BRINP2: variants seen among roughly 807,000 people sequenced by gnomAD.
The protein encoded by BRINP2 is BMP/retinoic acid-inducible neural-specific protein 2.
In BRINP2, 21 loss-of-function variants were observed where a neutral mutation model predicts 69.2. The ratio of observed to expected loss-of-function variants is 0.30; its 90% CI spans 0.22 to 0.44. BRINP2 has a LOEUF of 0.44. BRINP2 is among the 20% of genes least tolerant of loss of function. The pLI, the probability that BRINP2 is intolerant of heterozygous loss-of-function variation, is 1.00. For missense variants in BRINP2, 877 were observed against 986.0 expected, an observed-to-expected ratio of 0.89 and a Z score of 1.48; for synonymous variants, 380 against 394.1, an observed-to-expected ratio of 0.96 and a Z score of 0.42.
intron 1 of BRINP2, among the ~76,000 whole-genome samples, chr1:177,212,684 C>T (rs373510365): frequency 5.9e-5 from 9 of 152,260 alleles, no homozygotes; most frequent in African/African-American, 1.9e-4. Flanking sequence ...AAGGTATTTA[C>T]ATCACAGAAG....
rs1459126507 is a variant in BRINP2 at position 177,257,217 on chromosome 1, G to A, written c.502G>A (p.Gly168Arg). 1.2e-6 allele frequency: 2 copies of A among 1,613,954 alleles called. No homozygotes were observed. The highest frequency in any genetic ancestry group is 1.7e-6 in the Non-Finnish European group (2 of 1,180,024). ...LTIFVDKQKL[G>R]RKTETTGGAS... Reference sequence around the variant, plus strand: ...CATTTTTGTGGACAAGCAGAAACTGGGAAGAAAGACAGAGACAACAGGAGG... The same window carrying A: ...CATTTTTGTGGACAAGCAGAAACTGAGAAGAAAGACAGAGACAACAGGAGG... The change falls in exon 4 of 8, where the codon GGA becomes AGA. Residue 168 changes from glycine (G) to arginine (R), a missense_variant. This residue lies in a region of BRINP2 where 566 missense variants were observed against 625.2 expected (regional missense o/e 0.91). Transcript: ENST00000361539.
At chr1:177,202,574 T>A (rs1648947228) in intron 1 of BRINP2, among the ~76,000 whole-genome samples, 1 of 152,220 alleles carries the variant, frequency 6.6e-6, no homozygotes, top group African/African-American at 2.4e-5. Flanking sequence ...AGACAGTTTG[T>A]TATAATTTCT....
chr1:177,235,891 A>G (rs893741937), intron 2 of BRINP2, among the ~76,000 whole-genome samples: 1 of 152,172 alleles, frequency 6.6e-6, no homozygotes, highest in Non-Finnish European at 1.5e-5. Flanking sequence ...CTTCCGCATA[A>G]ACCACCAGGC....
At chr1:177,239,614 T>C (rs1353676443) in intron 2 of BRINP2, among the ~76,000 whole-genome samples, 1 of 152,226 alleles carries the variant, frequency 6.6e-6, no homozygotes, top group Non-Finnish European at 1.5e-5. Flanking sequence ...AAACCTTTGG[T>C]GTTGCATGCA....
chr1:177,230,290 G>T, intron 2 of BRINP2, 145 bp downstream of exon 2: 2 of 863,162 alleles, frequency 2.3e-6, no homozygotes, highest in East Asian at 2.9e-5. Context: ...CACCAGGCAG[G>T]GAAAATAAGC....
intron 1 of BRINP2, among the ~76,000 whole-genome samples, chr1:177,184,590 G>A (rs1648371576): frequency 6.6e-6 from 1 of 151,468 alleles, no homozygotes; most frequent in East Asian, 1.9e-4. Flanking sequence ...CAAGTAGTAT[G>A]TCTACTTCCC....
chr1:177,281,115 C>A lies in BRINP2; in HGVS notation c.1939C>A (p.Arg647=), dbSNP rs746349332. 2 of 1,614,180 alleles carry A rather than the reference C, an allele frequency of 1.2e-6. No individual in the cohort carries two copies. The highest frequency in any genetic ancestry group is 2.2e-5 in the East Asian group (1 of 44,886). The change falls in exon 8 of 8, where the codon CGG becomes AGG. Residue 647 remains arginine, a synonymous_variant. Coordinates refer to ENST00000361539, the MANE Select transcript of BRINP2 (RefSeq NM_021165.4). The part of the protein sequence containing the change: ...TFFETVHVYL[R]SRIKSLDDSS... Reference sequence around the variant, plus strand: ...CTTTGAGACAGTTCATGTTTACCTACGGAGCCGAATCAAGTCCCTGGATGA... The same window carrying A: ...CTTTGAGACAGTTCATGTTTACCTAAGGAGCCGAATCAAGTCCCTGGATGA...
At chr1:177,254,355 C>T (rs1292224161) in intron 2 of BRINP2, among the ~76,000 whole-genome samples, 1 of 149,972 alleles carries the variant, frequency 6.7e-6, no homozygotes, top group Non-Finnish European at 1.5e-5. Context: ...TACACACTTG[C>T]ACCTAAACAC....
At position 177,213,091 on chromosome 1, in the gene BRINP2, T is replaced by C. The variant is rs181754962; in HGVS notation, c.-76-16710T>C. On this transcript the variant is annotated intron_variant, in intron 1 of 7. Coordinates refer to ENST00000361539, the MANE Select transcript of BRINP2 (RefSeq NM_021165.4). ...AAGGAAAAGATGTGGAGATGTGTAA[T>C]CTTTGATCATTTGTTCCATGATGTG... Among the ~76,000 whole-genome samples the C allele has an allele frequency of 7.2e-5, 11 of 152,342 alleles. 1 individual carries two copies. In the East Asian group the frequency reaches 2.1e-3, roughly 29 times the overall value.
At chr1:177,196,730 G>A (rs1438028423) in intron 1 of BRINP2, among the ~76,000 whole-genome samples, 1 of 152,122 alleles carries the variant, frequency 6.6e-6, no homozygotes, top group African/African-American at 2.4e-5. Context: ...ATGCCCTTTG[G>A]TTGATTCTGA....
intron 2 of BRINP2, among the ~76,000 whole-genome samples, chr1:177,254,251 T>G (rs80244500): frequency 0.012 from 1,789 of 152,214 alleles, 18 homozygotes; most frequent in Non-Finnish European, 0.017. Flanking sequence ...ATGTTGACAT[T>G]TGCACTGAAG....
chr1:177,262,437 G>A (rs1297348255), intron 4 of BRINP2, among the ~76,000 whole-genome samples: 2 of 151,912 alleles, frequency 1.3e-5, no homozygotes, highest in East Asian at 1.9e-4. Flanking sequence ...ACTTGAACCC[G>A]GGAGACGGAG....
intron 1 of BRINP2, among the ~76,000 whole-genome samples, chr1:177,212,414 G>A (rs566617643): frequency 2.6e-5 from 4 of 151,964 alleles, no homozygotes; most frequent in Admixed American, 6.6e-5. Context: ...CCATGGTGGC[G>A]GGCACCTGTA....
chr1:177,210,341 G>C (rs934558828), intron 1 of BRINP2, among the ~76,000 whole-genome samples: 4 of 152,118 alleles, frequency 2.6e-5, no homozygotes, highest in African/African-American at 7.2e-5. Context: ...GGAAAATCAG[G>C]AGCCAGGCCC....
At chr1:177,244,271 A>T (rs1205739972) in intron 2 of BRINP2, among the ~76,000 whole-genome samples, 2 of 152,236 alleles carry the variant, frequency 1.3e-5, no homozygotes, top group Non-Finnish European at 2.9e-5. Context: ...ATTCAAGTAC[A>T]TTAATAAAGA....
At chr1:177,259,528 A>G (rs1396798028) in intron 4 of BRINP2, among the ~76,000 whole-genome samples, 2 of 152,210 alleles carry the variant, frequency 1.3e-5, no homozygotes, top group African/African-American at 4.8e-5. Flanking sequence ...CTGGAAGAAG[A>G]TGACATTGAG....
intron 2 of BRINP2, among the ~76,000 whole-genome samples, chr1:177,247,207 A>T (rs1237642980): frequency 6.6e-6 from 1 of 152,186 alleles, no homozygotes; most frequent in Non-Finnish European, 1.5e-5. Context: ...GAAAGAGAAG[A>T]CTTCCTGTGT....
intron 1 of BRINP2, among the ~76,000 whole-genome samples, chr1:177,197,858 A>T (rs1034577249): frequency 2.0e-5 from 3 of 152,200 alleles, no homozygotes; most frequent in Non-Finnish European, 4.4e-5. Flanking sequence ...CAAGAATGAA[A>T]GTTAGAGAGA....
intron 2 of BRINP2, among the ~76,000 whole-genome samples, chr1:177,236,704 C>A (rs1253015673): frequency 6.6e-6 from 1 of 152,074 alleles, no homozygotes; most frequent in Non-Finnish European, 1.5e-5. Context: ...CAGGTGGAGG[C>A]TTGTGGAATG....
Sources: gnomAD v4.1 joint callset for allele counts (sites outside exome capture counted in the v4.1 genomes callset) on GRCh38, gnomAD v4.1.1 for gene constraint, gnomAD v4.1.1 regional missense constraint, MANE v1.5 for transcripts, NCBI Gene and HGNC (gene_info 2026-07-23, HGNC 2026-07-21) for gene names.